Variants in UTRN observed in about 807,000 individuals in gnomAD.
UTRN encodes utrophin.
In UTRN, 283 loss-of-function variants were observed where a neutral mutation model predicts 463.9. The ratio of observed to expected loss-of-function variants is 0.61; its 90% CI spans 0.55 to 0.67. The LOEUF is 0.67. Among genes scored for constraint, UTRN ranks in the 30% least tolerant of loss-of-function variants. The pLI, the probability that UTRN is intolerant of heterozygous loss-of-function variation, is 0.00. For missense variants in UTRN, 3,922 were observed against 4,084.3 expected (o/e 0.96, Z 1.08); for synonymous variants, 1,442 against 1,431.5 (o/e 1.01, Z -0.17).
chr6:144,833,872 A>G (rs958525844), intron 69 of UTRN, among the ~76,000 whole-genome samples: 9 of 152,198 alleles, frequency 5.9e-5, no homozygotes, highest in Non-Finnish European at 1.2e-4. Flanking sequence ...AGGAAAATAT[A>G]CACATACACA....
intron 65 of UTRN, 110 bp from the exon 66 acceptor site, chr6:144,820,772 C>A: frequency 1.5e-6 from 2 of 1,375,168 alleles, no homozygotes; most frequent in South Asian, 1.6e-5. Context: ...ATAAAACTAC[C>A]AAAACTGTTG....
At chr6:144,730,739 T>C (rs1282202884) in intron 54 of UTRN, among the ~76,000 whole-genome samples, 3 of 151,942 alleles carry the variant, frequency 2.0e-5, no homozygotes, top group Non-Finnish European at 4.4e-5. Flanking sequence ...GTCTAAAAAG[T>C]GTACTGTAAC....
chr6:144,559,617 GGATA>G, intron 50 of UTRN, among the ~76,000 whole-genome samples: 1 of 152,162 alleles, frequency 6.6e-6, no homozygotes, highest in Non-Finnish European at 1.5e-5. Context: ...GAACTTTAAT[GGATA>G]CGAGTGACCT....
chr6:144,537,564 A>C lies in UTRN; in HGVS notation c.6234-18A>C. ...GGACAGTTTTTCCTCAATATTTTTA[A>C]ATAATATATTCTTTTAGGCTAAAAG... On this transcript the variant is annotated intron_variant, in intron 43 of 74. Transcript: ENST00000367545. 9 of 1,483,206 alleles carry C rather than the reference A, an allele frequency of 6.1e-6. No homozygotes were observed. The highest frequency in any genetic ancestry group is 8.1e-6 in the Non-Finnish European group (9 of 1,117,936). The allele number at this position is 1,483,206 out of a possible 1,614,324, so 91.9% of individuals were successfully genotyped here.
intron 51 of UTRN, among the ~76,000 whole-genome samples, chr6:144,624,363 G>A (rs1182662269): frequency 1.3e-5 from 2 of 152,124 alleles, no homozygotes; most frequent in Non-Finnish European, 2.9e-5. Context: ...AAAGTAATAG[G>A]TGGAAAGAAG....
At chr6:144,828,374 A>T (rs1310798551) in intron 68 of UTRN, among the ~76,000 whole-genome samples, 2 of 152,186 alleles carry the variant, frequency 1.3e-5, no homozygotes, top group African/African-American at 2.4e-5. Context: ...TTGAGGTCTG[A>T]TAATGAAAAA....
At chr6:144,833,401 T>C (rs1295070524) in intron 69 of UTRN, among the ~76,000 whole-genome samples, 1 of 152,164 alleles carries the variant, frequency 6.6e-6, no homozygotes, top group Admixed American at 6.5e-5. Context: ...TGATTTACTG[T>C]TTTATTTTGA....
chr6:144,516,873 A>G lies in UTRN; in HGVS notation c.5466A>G (p.Gln1822=), dbSNP rs762127899. 4.0e-6 allele frequency: 6 copies of G among 1,517,444 alleles called. No individual in the cohort carries two copies. The East Asian group carries it at 1.3e-4, about 32-fold the overall frequency. The allele number at this position is 1,517,444 out of a possible 1,614,324, so 94.0% of individuals were successfully genotyped here. A position where few individuals can be genotyped will look rare whatever the true frequency, so the allele number is the denominator to read the frequency against. The change falls in exon 39 of 75, where the codon CAA becomes CAG. Residue 1822 remains glutamine (Q), a synonymous_variant. Transcript: ENST00000367545. The part of the protein sequence containing the change: ...VLQRGEEMLH[Q]PMEDNKKEKI... ...AAAGAGGAGAAGAAATGTTACATCA[A>G]CCTATGGAAGATAATAAAAAAGAAA...
In UTRN at chr6:144,668,702, G is replaced by T. The variant is rs571500122; in HGVS notation, c.7480-9704G>T. ...GCTCTCTGGGGCTTCCTTTATAGGG[G>T]TAGTAATCTCGTTCATGAGAGCTCC... On this transcript the variant is annotated intron_variant, in intron 51 of 74. Transcript: ENST00000367545. Among the ~76,000 whole-genome samples, 317 of 152,202 alleles carry T rather than the reference G, an allele frequency of 2.1e-3. 1 individual carries two copies. Among genetic ancestry groups the T allele is most frequent in the African/African-American group, 7.2e-3 (299 of 41,528 alleles).
At chr6:144,828,476 G>A (rs1179791583) in intron 68 of UTRN, among the ~76,000 whole-genome samples, 1 of 152,136 alleles carries the variant, frequency 6.6e-6, no homozygotes, top group African/African-American at 2.4e-5. Flanking sequence ...ATTTGTTTGA[G>A]AATGTCACGC....
intron 51 of UTRN, among the ~76,000 whole-genome samples, chr6:144,658,928 C>T (rs1779590404): frequency 6.6e-6 from 1 of 152,170 alleles, no homozygotes; most frequent in African/African-American, 2.4e-5. Context: ...TTATTACTCA[C>T]ATTTTGAGTA....
At position 144,727,496 on chromosome 6, in the gene UTRN, T is replaced by C. The variant is rs545962775; in HGVS notation, c.7810-2861T>C. Among the ~76,000 whole-genome samples, 429 of 152,310 alleles carry C rather than the reference T, an allele frequency of 2.8e-3. 1 individual carries two copies. Among genetic ancestry groups the C allele is most frequent in the African/African-American group, 8.5e-3 (352 of 41,578 alleles). On this transcript the variant is annotated intron_variant, in intron 53 of 74. Transcript: ENST00000367545. ...CTCCTGAGCCAGGCGTGGTGGCCCA[T>C]GCCTATAATCCCAGCACTTTGGGAG...
At chr6:144,608,481 C>G (rs1805115522) in intron 51 of UTRN, among the ~76,000 whole-genome samples, 1 of 152,148 alleles carries the variant, frequency 6.6e-6, no homozygotes, top group Non-Finnish European at 1.5e-5. Context: ...GTGAATAACC[C>G]AGAACTTGAG....
At chr6:144,744,494 A>G (rs73593823) in intron 54 of UTRN, among the ~76,000 whole-genome samples, 2 of 148,976 alleles carry the variant, frequency 1.3e-5, no homozygotes, top group Non-Finnish European at 3.0e-5. Context: ...AAATATATAT[A>G]TTTTCTTCTG....
intron 2 of UTRN, among the ~76,000 whole-genome samples, chr6:144,348,657 C>T (rs149292354): frequency 2.0e-5 from 3 of 152,064 alleles, no homozygotes; most frequent in Admixed American, 6.6e-5. Flanking sequence ...AAGAATCGGC[C>T]GGTGCGGTGG....
intron 65 of UTRN, among the ~76,000 whole-genome samples, chr6:144,813,199 A>T (rs190114432): frequency 0.026 from 3,875 of 150,814 alleles, 167 homozygotes; most frequent in African/African-American, 0.089. Context: ...TTATTTATTT[A>T]TTTTTTTGAA....
intron 21 of UTRN, 75 bp downstream of exon 21, chr6:144,459,429 G>C: frequency 6.8e-7 from 1 of 1,460,534 alleles, no homozygotes; most frequent in Non-Finnish European, 9.1e-7. Context: ...TTTAGAACTT[G>C]AGTACACTTG....
chr6:144,515,718 A>G (rs1168781392), intron 37 of UTRN, among the ~76,000 whole-genome samples: 1 of 152,192 alleles, frequency 6.6e-6, no homozygotes, highest in Non-Finnish European at 1.5e-5. Flanking sequence ...GTTTTATTTA[A>G]ACAAATATAA....
In UTRN at chr6:144,482,411, G is replaced by GTTGTTATTA. The variant is rs780469923; in HGVS notation, c.3687+25_3687+26insGTTATTATT. The GTTGTTATTA allele has an allele frequency of 7.9e-5, 79 of 1,002,608 alleles. No individual in the cohort carries two copies. The African/African-American group carries it at 1.4e-3, about 18-fold the overall frequency. 62.1% of individuals were successfully genotyped at this position (1,002,608 alleles called of 1,614,324 possible). A position where few individuals can be genotyped will look rare whatever the true frequency, so the allele number is the denominator to read the frequency against. On this transcript the variant is annotated intron_variant, in intron 27 of 74. Coordinates refer to ENST00000367545, the MANE Select transcript of UTRN (RefSeq NM_007124.3). ...GAGGTATGCTATTATTATTATTGTT[G>GTTGTTATTA]TTATTATTATTATTATTATTATTAT...
Sources: gnomAD v4.1 joint callset for allele counts (sites outside exome capture counted in the v4.1 genomes callset) on GRCh38, gnomAD v4.1.1 for gene constraint, MANE v1.5 for transcripts, NCBI Gene and HGNC (gene_info 2026-07-23, HGNC 2026-07-21) for gene names.